The following FGD5 variants were observed in gnomAD, a reference collection of about 807,000 sequenced individuals.
FGD5 encodes FYVE, RhoGEF and PH domain containing 5.
In FGD5, 28 loss-of-function variants were observed where a neutral mutation model predicts 133.4. The observed-to-expected ratio is 0.21, with a 90% CI of 0.16 to 0.29. FGD5 has a LOEUF of 0.29. FGD5 is among the 10% of genes least tolerant of loss of function. FGD5 has a pLI of 1.00. For missense variants in FGD5, 1,858 were observed against 1,895.2 expected, an observed-to-expected ratio of 0.98 and a Z score of 0.36; for synonymous variants, 810 against 776.5, an observed-to-expected ratio of 1.04 and a Z score of -0.72.
chr3:14,874,597 A>G (rs932849808), intron 2 of FGD5, among the ~76,000 whole-genome samples: 8 of 152,178 alleles, frequency 5.3e-5, no homozygotes, highest in African/African-American at 1.9e-4. Flanking sequence ...ACAAAGTTTC[A>G]GTGATATAGG....
In FGD5 at chr3:14,917,359, G is replaced by A. The variant is rs368677110; in HGVS notation, c.3489+27G>A. Reference sequence around the variant, plus strand: ...TAAATATCTGGTGCCAGGTACCCCCGGGTTGGGGGACAGGGAGACCCCAGG... The same window carrying A: ...TAAATATCTGGTGCCAGGTACCCCCAGGTTGGGGGACAGGGAGACCCCAGG... On this transcript the variant is annotated intron_variant, in intron 12 of 19. Transcript: ENST00000285046. The surrounding 1 kb of genome is among the most constrained non-coding windows in gnomAD (Gnocchi z 4.1). 103 of 1,599,560 alleles carry A rather than the reference G, an allele frequency of 6.4e-5. No individual in the cohort carries two copies. Among genetic ancestry groups the A allele is most frequent in the Admixed American group, 3.1e-4 (18 of 57,936 alleles).
Position 14,821,254 on chromosome 3 carries a change from G to C in FGD5, c.2183G>C (p.Gly728Ala), listed in dbSNP as rs997720229. 1.2e-6 allele frequency: 2 copies of C among 1,613,896 alleles called. No individual in the cohort carries two copies. The highest frequency in any genetic ancestry group is 3.3e-5 in the Admixed American group (2 of 60,026). ...SPSSLIFYRD[G>A]KRKGVPFSRT... ...TCCTCCCTCATCTTTTATAGAGATG[G>C]CAAGAGGAAAGGTGTCCCCTTCAGC... Residue 728 changes from glycine (G) to alanine (A), a missense_variant, in exon 1 of 20, where the codon GGC (glycine) becomes GCC (alanine). Transcript: ENST00000285046.
At chr3:14,889,897 T>G (rs867918930) in intron 4 of FGD5, among the ~76,000 whole-genome samples, 8 of 152,324 alleles carry the variant, frequency 5.3e-5, no homozygotes, top group Middle Eastern at 3.4e-3. Flanking sequence ...TTTGTATTGC[T>G]CTTAGAAGCT....
At chr3:14,889,076 C>T (rs1351767873) in intron 4 of FGD5, among the ~76,000 whole-genome samples, 1 of 152,192 alleles carries the variant, frequency 6.6e-6, no homozygotes, top group East Asian at 1.9e-4. Context: ...CCAGCTCCTG[C>T]AGGGACATGG....
chr3:14,823,010 G>A (rs1457346449), intron 1 of FGD5, among the ~76,000 whole-genome samples: 1 of 152,208 alleles, frequency 6.6e-6, no homozygotes, highest in Admixed American at 6.5e-5. Context: ...TTATTTATTA[G>A]TTCTTTCTAA....
intron 1 of FGD5, among the ~76,000 whole-genome samples, chr3:14,830,051 T>C (rs1441950280): frequency 6.6e-6 from 1 of 152,224 alleles, no homozygotes; most frequent in Non-Finnish European, 1.5e-5. Flanking sequence ...GTTCCATTGG[T>C]GCTGAGAGCC....
At chr3:14,826,597 G>A (rs2036603864) in intron 1 of FGD5, among the ~76,000 whole-genome samples, 1 of 152,204 alleles carries the variant, frequency 6.6e-6, no homozygotes, top group African/African-American at 2.4e-5. Context: ...TAAGACTACA[G>A]GAGTTAATAC....
chr3:14,861,077 A>C (rs545157977), intron 1 of FGD5, among the ~76,000 whole-genome samples: 1 of 152,342 alleles, frequency 6.6e-6, no homozygotes, highest in Non-Finnish European at 1.5e-5. Flanking sequence ...AGTTGGTAGC[A>C]AGTGTTATAA....
intron 17 of FGD5, among the ~76,000 whole-genome samples, chr3:14,925,585 C>T (rs895777225): frequency 6.6e-6 from 1 of 152,104 alleles, no homozygotes; most frequent in Non-Finnish European, 1.5e-5. Flanking sequence ...TACTACTACC[C>T]CCCGCCACCA....
upstream of FGD5, among the ~76,000 whole-genome samples, chr3:14,816,885 A>G (rs1312569929): frequency 6.6e-6 from 1 of 152,172 alleles, no homozygotes; most frequent in African/African-American, 2.4e-5. Context: ...ACCCATTGGC[A>G]CTGATACCAA....
At chr3:14,859,145 C>CTA (rs1305698560) in intron 1 of FGD5, among the ~76,000 whole-genome samples, 1 of 152,116 alleles carries the variant, frequency 6.6e-6, no homozygotes, top group African/African-American at 2.4e-5. Flanking sequence ...AATCATAATC[C>CTA]TATACATTTA....
At position 14,933,442 on chromosome 3, in the gene FGD5, G is replaced by C. The variant is rs1235398639; in HGVS notation, c.*275G>C. 3 of 412,014 alleles carry C rather than the reference G, an allele frequency of 7.3e-6. No homozygotes were observed. Among genetic ancestry groups the C allele is most frequent in the African/African-American group, 2.0e-5 (1 of 49,890 alleles). 25.5% of individuals were successfully genotyped at this position (412,014 alleles called of 1,614,324 possible). ...ATAAACTATTTCCTTACCCCGCAGT[G>C]AGTTAAAATTTAGTAAGATGAAGAT... On this transcript the variant is annotated 3_prime_UTR_variant, in exon 20 of 20. Transcript: ENST00000285046.
rs771204857 is a variant in FGD5, at chr3:14,821,416, C to T, written c.2345C>T (p.Ser782Leu). 16 of 1,613,910 alleles carry T rather than the reference C, an allele frequency of 9.9e-6. No individual in the cohort carries two copies. The highest frequency in any genetic ancestry group is 8.3e-5 in the Admixed American group (5 of 60,008). Residue 782 changes from serine to leucine, a missense_variant, in exon 1 of 20, where the codon TCG becomes TTG. Ser to Leu is a moderately radical substitution (Grantham distance 145). Transcript: ENST00000285046. ...TATGAGAACATTCCAGCCATGAACT[C>T]GGACTATGAGAATATCCAGATTCCA... ...SDYENIPAMNSDYENIQIPPR... is the reference protein window; with the variant it reads ...SDYENIPAMNLDYENIQIPPR...
intron 4 of FGD5, among the ~76,000 whole-genome samples, chr3:14,883,535 A>G (rs1378599417): frequency 2.6e-5 from 4 of 152,070 alleles, no homozygotes; most frequent in South Asian, 2.1e-4. Flanking sequence ...CACCTATCCA[A>G]CCATCCGTCC....
intron 1 of FGD5, among the ~76,000 whole-genome samples, chr3:14,837,271 TG>T (rs2036833789): frequency 6.6e-6 from 1 of 152,168 alleles, no homozygotes; most frequent in Non-Finnish European, 1.5e-5. Flanking sequence ...TCTCCATGGC[TG>T]GAGAAGGGGA....
At chr3:14,901,172 C>T in intron 9 of FGD5, 111 bp downstream of exon 9, 1 of 1,137,272 alleles carries the variant, frequency 8.8e-7, no homozygotes, top group South Asian at 1.3e-5. Context: ...GCAACCGTCT[C>T]TCTTGTGGGA....
intron 2 of FGD5, among the ~76,000 whole-genome samples, chr3:14,877,393 G>A (rs1363390485): frequency 6.6e-6 from 1 of 152,084 alleles, no homozygotes; most frequent in Non-Finnish European, 1.5e-5. Flanking sequence ...CCCGTGTCTG[G>A]ACCCTACCAA....
At chr3:14,878,436 C>G (rs942141339) in intron 2 of FGD5, among the ~76,000 whole-genome samples, 2 of 152,042 alleles carry the variant, frequency 1.3e-5, no homozygotes, top group African/African-American at 4.8e-5. Context: ...TTTTCTTCTT[C>G]TATCCCTGGT....
Position 14,821,137 on chromosome 3 carries a change from C to T in FGD5, c.2066C>T (p.Pro689Leu). 6.2e-7 allele frequency: 1 copy of T among 1,613,982 alleles called. No individual in the cohort carries two copies. Among genetic ancestry groups the T allele is most frequent in the Non-Finnish European group, 8.5e-7 (1 of 1,179,900 alleles). Reference sequence around the variant, plus strand: ...TCTTCAGAGTCCAGCTACCACGGGCCTTCCAGGATTCTGGAAGTTGACCGG... The same window carrying T: ...TCTTCAGAGTCCAGCTACCACGGGCTTTCCAGGATTCTGGAAGTTGACCGG... ...RSSSESSYHG[P>L]SRILEVDRRS... The change falls in exon 1 of 20, where the codon CCT becomes CTT. Residue 689 changes from proline to leucine, a missense_variant. Coordinates refer to ENST00000285046, the MANE Select transcript of FGD5 (RefSeq NM_152536.4).
Sources: gnomAD v4.1 joint callset for allele counts (sites outside exome capture counted in the v4.1 genomes callset) on GRCh38, gnomAD v4.1.1 for gene constraint, Gnocchi (gnomAD v3.1) non-coding constraint, MANE v1.5 for transcripts, NCBI Gene and HGNC (gene_info 2026-07-23, HGNC 2026-07-21) for gene names.